The following CDH12 variants were observed in gnomAD, a reference collection of about 807,000 sequenced individuals.
CDH12 encodes cadherin 12, also known as cadherin-12.
Under a neutral mutation model 74.1 loss-of-function variants are expected in CDH12, and 41 were observed. That is an observed-to-expected ratio of 0.55 (90% CI 0.43 to 0.72). The LOEUF (loss-of-function observed/expected upper bound fraction) is 0.72. Among genes scored for constraint, CDH12 ranks in the 30% least tolerant of loss-of-function variants. The pLI is 0.00. For missense variants in CDH12, 945 were observed against 977.2 expected, an observed-to-expected ratio of 0.97 and a Z score of 0.44; for synonymous variants, 399 against 355.0, an observed-to-expected ratio of 1.12 and a Z score of -1.39.
chr5:22,761,530 C>T (rs549929023), intron 1 of CDH12, among the ~76,000 whole-genome samples: 1 of 152,250 alleles, frequency 6.6e-6, no homozygotes, highest in Admixed American at 6.5e-5. Flanking sequence ...GCAGTAACGT[C>T]TGCTCTTTAA....
intron 3 of CDH12, among the ~76,000 whole-genome samples, chr5:22,402,698 C>G (rs1742779083): frequency 6.6e-6 from 1 of 152,136 alleles, no homozygotes; most frequent in Non-Finnish European, 1.5e-5. Context: ...AGGAATTTCA[C>G]TGTTGGAAGA....
chr5:21,981,016 C>CTAGGA (rs1757281223), intron 5 of CDH12, among the ~76,000 whole-genome samples: 2 of 152,050 alleles, frequency 1.3e-5, no homozygotes, highest in Admixed American at 6.6e-5. Flanking sequence ...CAGCTGGGGA[C>CTAGGA]ATTTTTAATT....
At chr5:22,775,834 G>A (rs1310846564) in intron 1 of CDH12, among the ~76,000 whole-genome samples, 1 of 152,064 alleles carries the variant, frequency 6.6e-6, no homozygotes, top group African/African-American at 2.4e-5. Context: ...CAGAATTCCC[G>A]TGTGTTGTGG....
chr5:21,788,401 A>G (rs557970825), intron 10 of CDH12, among the ~76,000 whole-genome samples: 50 of 152,196 alleles, frequency 3.3e-4, no homozygotes, highest in African/African-American at 1.1e-3. Flanking sequence ...GGGAGCTATC[A>G]GTTGTTCAGA....
chr5:22,624,981 T>TA (rs1416014387), intron 1 of CDH12, among the ~76,000 whole-genome samples: 6 of 152,058 alleles, frequency 3.9e-5, no homozygotes, highest in African/African-American at 1.4e-4. Flanking sequence ...TATGCAGCCA[T>TA]AAAAAAGGGT....
At chr5:22,816,117 G>A (rs1221591322) in intron 1 of CDH12, among the ~76,000 whole-genome samples, 5 of 152,138 alleles carry the variant, frequency 3.3e-5, no homozygotes, top group Admixed American at 1.3e-4. Flanking sequence ...TTCGGGGCCA[G>A]GCTTCAGCAA....
chr5:22,054,344 T>C (rs1358087428), intron 5 of CDH12, among the ~76,000 whole-genome samples: 1 of 152,144 alleles, frequency 6.6e-6, no homozygotes, highest in African/African-American at 2.4e-5. Context: ...CATTCATATA[T>C]ATAGATATCT....
chr5:22,115,363 C>T (rs1029805531), intron 4 of CDH12, among the ~76,000 whole-genome samples: 1 of 152,098 alleles, frequency 6.6e-6, no homozygotes, highest in Non-Finnish European at 1.5e-5. Flanking sequence ...CACGTAGTTA[C>T]AAACACATAT....
intron 4 of CDH12, among the ~76,000 whole-genome samples, chr5:22,133,684 A>G (rs550674184): frequency 1.3e-5 from 2 of 152,200 alleles, no homozygotes; most frequent in African/African-American, 4.8e-5. Flanking sequence ...AAAAGAAGCA[A>G]TTTCATGTGG....
At chr5:22,478,589 T>C (rs1746266622) in intron 2 of CDH12, among the ~76,000 whole-genome samples, 1 of 151,918 alleles carries the variant, frequency 6.6e-6, no homozygotes, top group Non-Finnish European at 1.5e-5. Context: ...TCAACAAAGA[T>C]ACTAATAAAT....
At chr5:22,563,955 C>A (rs1739178655) in intron 1 of CDH12, among the ~76,000 whole-genome samples, 2 of 152,140 alleles carry the variant, frequency 1.3e-5, no homozygotes, top group Non-Finnish European at 2.9e-5. Context: ...GTCCCTCCCA[C>A]AACACATGGG....
chr5:22,009,810 T>C (rs1369275001), intron 5 of CDH12, among the ~76,000 whole-genome samples: 1 of 151,642 alleles, frequency 6.6e-6, no homozygotes, highest in Non-Finnish European at 1.5e-5. Flanking sequence ...AAACCTCATC[T>C]TTACTAAAAA....
chr5:22,529,188 T>TATATAGAGAGAGAG (rs1395904979), intron 1 of CDH12, among the ~76,000 whole-genome samples: 1 of 84,524 alleles, frequency 1.2e-5, no homozygotes, highest in African/African-American at 4.1e-5. Flanking sequence ...TATATATATA[T>TATATAGAGAGAGAG]AGAGAGAGAG....
At chr5:22,690,486 C>A (rs1260157512) in intron 1 of CDH12, among the ~76,000 whole-genome samples, 1 of 152,020 alleles carries the variant, frequency 6.6e-6, no homozygotes, top group Non-Finnish European at 1.5e-5. Context: ...TTACTTATTC[C>A]CTGACTCAAT....
chr5:22,646,819 A>G (rs1739458953), intron 1 of CDH12, among the ~76,000 whole-genome samples: 1 of 151,946 alleles, frequency 6.6e-6, no homozygotes, highest in African/African-American at 2.4e-5. Flanking sequence ...GCATTGAGAG[A>G]ACACTGCTTA....
chr5:22,499,821 C>T (rs905192867), intron 2 of CDH12, among the ~76,000 whole-genome samples: 7 of 151,984 alleles, frequency 4.6e-5, no homozygotes, highest in African/African-American at 1.2e-4. Flanking sequence ...AAAATATGAA[C>T]GAAAATATAT....
intron 3 of CDH12, among the ~76,000 whole-genome samples, chr5:22,283,243 TATATATATAC>T (rs1736986909): frequency 8.4e-6 from 1 of 119,190 alleles, no homozygotes; most frequent in Non-Finnish European, 1.7e-5. Flanking sequence ...TATATATATA[TATATATATAC>T]ACACACACAC....
intron 3 of CDH12, among the ~76,000 whole-genome samples, chr5:22,390,067 T>A (rs1333358668): frequency 1.3e-5 from 2 of 151,914 alleles, no homozygotes; most frequent in African/African-American, 4.8e-5. Context: ...TTGGCATAGA[T>A]TCACAGATAT....
At chr5:22,338,466 T>G (rs1739686392) in intron 3 of CDH12, among the ~76,000 whole-genome samples, 1 of 151,630 alleles carries the variant, frequency 6.6e-6, no homozygotes, top group African/African-American at 2.4e-5. Context: ...AGATGGTTAA[T>G]GGGTACAAAA....
Sources: allele counts gnomAD v4.1 joint callset (sites outside exome capture counted in the v4.1 genomes callset), GRCh38; gene constraint gnomAD v4.1.1; transcripts MANE v1.5; gene names NCBI Gene and HGNC (gene_info 2026-07-23, HGNC 2026-07-21).